Variants in MRAP observed in about 807,000 individuals in gnomAD.
The protein encoded by MRAP is melanocortin-2 receptor accessory protein.
A neutral mutation model predicts 8.7 loss-of-function variants in MRAP; 8 were observed. The ratio of observed to expected loss-of-function variants is 0.92; its 90% CI spans 0.54 to 1.66. The LOEUF is 1.66. Ranked by LOEUF, MRAP falls within the 40% of genes most tolerant of loss-of-function variation. The probability of loss-of-function intolerance (pLI) is 0.00; values close to 1 mark genes in which losing one functional copy is unlikely to be tolerated. For missense variants in MRAP, 237 were observed against 217.1 expected (o/e 1.09, Z -0.58); for synonymous variants, 95 against 95.5 (o/e 1.00, Z 0.03).
intron 1 of MRAP, among the ~76,000 whole-genome samples, chr21:32,299,306 C>A (rs1214356546): frequency 6.6e-6 from 1 of 152,220 alleles, no homozygotes; most frequent in Non-Finnish European, 1.5e-5. Context: ...CACGAAGACA[C>A]TTTGGAAGCA....
rs1410486705 is a variant in MRAP at position 32,300,858 on chromosome 21, G to A, written c.106+1781G>A. The stretch of plus-strand genomic sequence containing the variant: ...GATATGTCATGCGCCCTATGTCAGG[G>A]GCGTCATGCGTCCTATGTCGGGTGT... On this transcript the variant is annotated intron_variant, in intron 1 of 2. Coordinates refer to ENST00000303645, the MANE Select transcript of MRAP (RefSeq NM_001379228.1). 2.0e-5 allele frequency among the ~76,000 whole-genome samples: 3 copies of A among 150,584 alleles called. 1 individual carries two copies. Among genetic ancestry groups the A allele is most frequent in the African/African-American group, 7.3e-5 (3 of 40,904 alleles).
At chr21:32,296,386 G>C (rs1186848462), upstream of MRAP, among the ~76,000 whole-genome samples, 2 of 152,214 alleles carry the variant, frequency 1.3e-5, no homozygotes, top group Non-Finnish European at 2.9e-5. Flanking sequence ...GTGTACAGCA[G>C]TGTACACAGA....
intron 2 of MRAP, chr21:32,293,145 T>A (rs1182749679): frequency 6.6e-6 from 1 of 152,126 alleles, no homozygotes; most frequent in African/African-American, 2.4e-5. Context: ...GATGTGATAA[T>A]GAAAGCAGGG....
upstream of MRAP, among the ~76,000 whole-genome samples, chr21:32,296,986 G>A (rs111775740): frequency 1.7e-4 from 26 of 152,204 alleles, no homozygotes; most frequent in African/African-American, 5.3e-4. Flanking sequence ...TGTTGGCTAC[G>A]GTGTCACTAG....
chr21:32,310,847 A>G (rs548365258), intron 2 of MRAP, among the ~76,000 whole-genome samples: 52 of 151,916 alleles, frequency 3.4e-4, no homozygotes, highest in African/African-American at 1.2e-3. Flanking sequence ...GGGTTTCCCT[A>G]TGTTGGCCAG....
At position 32,298,882 on chromosome 21, in the gene MRAP, A is replaced by C. The variant is rs567373645; in HGVS notation, c.-90A>C. 13 of 876,958 alleles carry C rather than the reference A, an allele frequency of 1.5e-5. No individual in the cohort carries two copies. The highest frequency in any genetic ancestry group is 8.2e-5 in the South Asian group (6 of 73,008). 54.3% of individuals were successfully genotyped at this position (876,958 alleles called of 1,614,324 possible). A position where few individuals can be genotyped will look rare whatever the true frequency, so the allele number is the denominator to read the frequency against. On this transcript the variant is annotated 5_prime_UTR_variant, in exon 1 of 3. Coordinates refer to ENST00000303645, the MANE Select transcript of MRAP (RefSeq NM_001379228.1). ...AGACACACTTGGACGATTCCTGCAG[A>C]AATCAGTGAGGCAGTCTCCTCCCAG...
chr21:32,300,768 C>A (rs575242887), intron 1 of MRAP, among the ~76,000 whole-genome samples: 1 of 138,774 alleles, frequency 7.2e-6, no homozygotes. Context: ...ATGTCAGGGG[C>A]GTCATGCCTC....
In MRAP at chr21:32,311,726, C is replaced by A. The variant is rs776030489; in HGVS notation, c.249C>A (p.Gly83=). 13 of 1,614,030 alleles carry A rather than the reference C, an allele frequency of 8.1e-6. No homozygotes were observed. The Admixed American group carries it at 2.2e-4, about 27-fold the overall frequency. The change falls in exon 3 of 3, where the codon GGC becomes GGA. Residue 83 remains glycine, a synonymous_variant. Transcript: ENST00000303645. ...KHHQTCPWSH[G]LNLHLCIQKC... is the part of the protein sequence containing the mutation. ...ACCAAACATGCCCCTGGAGTCACGG[C>A]CTCAACCTCCACCTCTGCATCCAGA...
At chr21:32,309,370 C>T (rs2032497080) in intron 2 of MRAP, among the ~76,000 whole-genome samples, 1 of 152,080 alleles carries the variant, frequency 6.6e-6, no homozygotes, top group African/African-American at 2.4e-5. Context: ...GTCTCACCCA[C>T]CAGGGCTACA....
intron 2 of MRAP, chr21:32,308,496 T>TTTAA (rs1365485239): frequency 6.6e-6 from 1 of 152,662 alleles, no homozygotes; most frequent in African/African-American, 2.4e-5. Context: ...ATCCAGGAGT[T>TTTAA]TTAAGGAGTA....
chr21:32,298,022 GC>G (rs1448164807), upstream of MRAP, among the ~76,000 whole-genome samples: 2 of 152,154 alleles, frequency 1.3e-5, no homozygotes, highest in African/African-American at 4.8e-5. Context: ...GGAGGGAAAG[GC>G]CATGTAAGCC....
chr21:32,298,335 G>C (rs2032179192), upstream of MRAP, among the ~76,000 whole-genome samples: 1 of 152,092 alleles, frequency 6.6e-6, no homozygotes, highest in Non-Finnish European at 1.5e-5. Flanking sequence ...GGGGGGCTTA[G>C]ATATAAGTGG....
chr21:32,297,245 C>A (rs2032156490), upstream of MRAP, among the ~76,000 whole-genome samples: 1 of 152,146 alleles, frequency 6.6e-6, no homozygotes, highest in African/African-American at 2.4e-5. Flanking sequence ...GTCAGAGGAA[C>A]CAACCATATA....
upstream of MRAP, among the ~76,000 whole-genome samples, chr21:32,294,859 T>C (rs2032112512): frequency 6.6e-6 from 1 of 152,142 alleles, no homozygotes; most frequent in Non-Finnish European, 1.5e-5. Flanking sequence ...AGGTCTTATT[T>C]CGTCTCTCTC....
chr21:32,300,588 TCACA>T (rs1158718124), intron 1 of MRAP, among the ~76,000 whole-genome samples: 1 of 150,708 alleles, frequency 6.6e-6, no homozygotes, highest in Non-Finnish European at 1.5e-5. Context: ...GTCAGGGGCG[TCACA>T]CGTCCTATGT....
At chr21:32,299,486 T>C (rs990782675) in intron 1 of MRAP, among the ~76,000 whole-genome samples, 3 of 152,104 alleles carry the variant, frequency 2.0e-5, no homozygotes, top group African/African-American at 4.8e-5. Flanking sequence ...GGGCACATGC[T>C]ACCACGCCTG....
Position 32,310,724 on chromosome 21 carries a change from G to A in MRAP, c.207-960G>A, listed in dbSNP as rs112295127. On this transcript the variant is annotated intron_variant, in intron 2 of 2. Coordinates refer to ENST00000303645, the MANE Select transcript of MRAP (RefSeq NM_001379228.1). The stretch of plus-strand genomic sequence containing the variant: ...TGCAGTGGCGCAATCTTGGCTCGCT[G>A]CAACTTCCGACTCCTTGGTTCAAGT... 8.6e-3 allele frequency among the ~76,000 whole-genome samples: 1,294 copies of A among 151,322 alleles called. 18 individuals carry two copies. Among genetic ancestry groups the A allele is most frequent in the African/African-American group, 0.029 (1,185 of 41,168 alleles).
intron 2 of MRAP, chr21:32,311,283 A>T: frequency 5.1e-6 from 1 of 195,232 alleles, no homozygotes. Flanking sequence ...TTACAATTCA[A>T]GGTGAGATTT....
chr21:32,296,795 G>T (rs1010700701), upstream of MRAP, among the ~76,000 whole-genome samples: 2 of 152,110 alleles, frequency 1.3e-5, no homozygotes, highest in African/African-American at 4.8e-5. Flanking sequence ...TAGTACATCT[G>T]TATAGGGCCC....
Sources: gnomAD v4.1 joint callset for allele counts (sites outside exome capture counted in the v4.1 genomes callset) on GRCh38, gnomAD v4.1.1 for gene constraint, MANE v1.5 for transcripts, NCBI Gene and HGNC (gene_info 2026-07-23, HGNC 2026-07-21) for gene names.